HACE1: variants seen among roughly 807,000 people sequenced by gnomAD.
HACE1 encodes the protein E3 ubiquitin-protein ligase HACE1.
A neutral mutation model predicts 118.4 loss-of-function variants in HACE1; 73 were observed. The observed-to-expected ratio is 0.62, with a 90% CI of 0.51 to 0.75. The LOEUF (loss-of-function observed/expected upper bound fraction) is 0.75, where lower values mean the gene tolerates loss of function less well. Ranked by LOEUF, HACE1 falls within the 30% of genes least tolerant of loss-of-function variation. HACE1 has a pLI of 0.00. For missense variants in HACE1, 749 were observed against 1,102.2 expected, an observed-to-expected ratio of 0.68 and a Z score of 4.54; for synonymous variants, 368 against 374.8, an observed-to-expected ratio of 0.98 and a Z score of 0.21.
At chr6:104,809,325 G>A (rs556853288) in intron 7 of HACE1, among the ~76,000 whole-genome samples, 14 of 152,224 alleles carry the variant, frequency 9.2e-5, no homozygotes, top group South Asian at 2.1e-4. Flanking sequence ...AAAAATCTGG[G>A]GAACGACCTG....
In HACE1 at chr6:104,792,225, G is replaced by A. The variant is rs113592836; in HGVS notation, c.924-571C>T. 9.8e-4 allele frequency among the ~76,000 whole-genome samples: 149 copies of A among 152,194 alleles called. 1 individual carries two copies. Among genetic ancestry groups the A allele is most frequent in the African/African-American group, 3.4e-3 (141 of 41,522 alleles). ...TATCTGCATTAGGTTTGTTCTCTAC[G>A]TAACGGGCTGCCTTATGACTATACA... On this transcript the variant is annotated intron_variant, in intron 10 of 23. Transcript: ENST00000262903.
chr6:104,798,448 T>C (rs554144512), intron 7 of HACE1, among the ~76,000 whole-genome samples: 3 of 152,224 alleles, frequency 2.0e-5, no homozygotes, highest in Non-Finnish European at 4.4e-5. Flanking sequence ...CAGAAAACTC[T>C]GCAACGTTAT....
intron 6 of HACE1, among the ~76,000 whole-genome samples, chr6:104,832,802 G>GGTGGAAGGATCATTTGAGCCCAGGA (rs1774140660): frequency 6.6e-6 from 1 of 152,056 alleles, no homozygotes. Flanking sequence ...GTGAGGCTGA[G>GGTGGAAGGATCATTTGAGCCCAGGA]GTGGAAGGAT....
chr6:104,825,780 T>C (rs567230192), intron 6 of HACE1, among the ~76,000 whole-genome samples: 3 of 152,344 alleles, frequency 2.0e-5, no homozygotes, highest in Non-Finnish European at 4.4e-5. Context: ...ACTTTTGTTT[T>C]CAATAAATAT....
rs760145400 is a variant in HACE1 at position 104,777,254 on chromosome 6, T to C, written c.1630A>G (p.Met544Val). 4.3e-6 allele frequency: 7 copies of C among 1,613,704 alleles called. No individual in the cohort carries two copies. In the Admixed American group the frequency reaches 5.0e-5, roughly 12 times the overall value. ...HLHSGQPDSDMVHRPVNENDI... is the reference protein window; with the variant it reads ...HLHSGQPDSDVVHRPVNENDI... ...TTTTCATTCACTGGCCTGTGCACCA[T>C]ATCTGAATCTGGCTGTCCTGAATGC... is the stretch of plus-strand genomic sequence containing the variant. Residue 544 changes from methionine (M) to valine (V), a missense_variant, in exon 15 of 24, where the codon ATG (methionine) becomes GTG (valine). This residue lies in a region of HACE1 where 195 missense variants were observed against 322.1 expected (regional missense o/e 0.61). Transcript: ENST00000262903.
intron 7 of HACE1, among the ~76,000 whole-genome samples, chr6:104,803,677 G>C (rs1253228893): frequency 6.6e-6 from 1 of 152,024 alleles, no homozygotes; most frequent in Non-Finnish European, 1.5e-5. Context: ...CTTCATGCTA[G>C]AAACTCTCAA....
At chr6:104,838,022 A>G (rs75068983) in intron 5 of HACE1, among the ~76,000 whole-genome samples, 3,586 of 152,200 alleles carry the variant, frequency 0.024, 166 homozygotes, top group African/African-American at 0.083. Flanking sequence ...AAAGATGTCT[A>G]AAAGAAAACT....
intron 7 of HACE1, among the ~76,000 whole-genome samples, chr6:104,799,839 T>C (rs1770104879): frequency 6.6e-6 from 1 of 152,138 alleles, no homozygotes; most frequent in South Asian, 2.1e-4. Flanking sequence ...GATTTCTGCA[T>C]TTCCAAATGA....
chr6:104,750,375 G>C lies in HACE1; in HGVS notation c.2309C>G (p.Pro770Arg). The C allele has an allele frequency of 6.2e-7, 1 of 1,612,476 alleles. No homozygotes were observed. Among genetic ancestry groups the C allele is most frequent in the Non-Finnish European group, 8.5e-7 (1 of 1,178,808 alleles). The change falls in exon 20 of 24, where the codon CCC (proline) becomes CGC (arginine). Residue 770 changes from proline to arginine, a missense_variant. This residue lies in a region of HACE1 where 165 missense variants were observed against 229.9 expected (regional missense o/e 0.72). Coordinates refer to ENST00000262903, the MANE Select transcript of HACE1 (RefSeq NM_020771.4). The stretch of plus-strand genomic sequence containing the variant: ...TTCATCAAAAAGCTGTATGAGGGAG[G>C]GTGGAATGAACATATGAAAGCCCTG... The part of the protein sequence containing the change: ...FLQGFHMFIP[P>R]SLIQLFDEYE...
At chr6:104,783,736 A>T (rs1205871580) in intron 14 of HACE1, among the ~76,000 whole-genome samples, 2 of 152,234 alleles carry the variant, frequency 1.3e-5, no homozygotes, top group East Asian at 3.9e-4. Flanking sequence ...ACATGCTGCC[A>T]ATGTGATTTA....
At chr6:104,859,526 C>G (rs1777096400) in intron 1 of HACE1, 41 bp downstream of exon 1, 1 of 1,445,914 alleles carries the variant, frequency 6.9e-7, no homozygotes, top group Non-Finnish European at 9.2e-7. Flanking sequence ...CACTGGCCGC[C>G]CCCAGCCCCG....
chr6:104,798,268 C>T (rs1316568956), intron 7 of HACE1, among the ~76,000 whole-genome samples: 1 of 152,000 alleles, frequency 6.6e-6, no homozygotes, highest in Non-Finnish European at 1.5e-5. Flanking sequence ...CCTAAAGAGG[C>T]ATGTCATTTC....
chr6:104,816,073 C>CA (rs60838357), intron 6 of HACE1, among the ~76,000 whole-genome samples: 88 of 125,504 alleles, frequency 7.0e-4, no homozygotes, highest in South Asian at 1.0e-3. Flanking sequence ...AACTACAACT[C>CA]AAAAAAAAAA....
At chr6:104,738,253 C>G (rs1432205821) in intron 22 of HACE1, among the ~76,000 whole-genome samples, 1 of 152,216 alleles carries the variant, frequency 6.6e-6, no homozygotes, top group African/African-American at 2.4e-5. Context: ...CTCTAAAAAG[C>G]AGAGTGCCTC....
In HACE1 at chr6:104,848,094, C is replaced by T. The variant is rs113596687; in HGVS notation, c.326+1048G>A. The stretch of plus-strand genomic sequence containing the variant: ...CTCAAACTCCTGACCTCAGATGATC[C>T]GCCCGCCTTGGCCTCCCAAAAGGCT... On this transcript the variant is annotated intron_variant, in intron 4 of 23. Transcript: ENST00000262903. 8.1e-3 allele frequency among the ~76,000 whole-genome samples: 1,230 copies of T among 151,500 alleles called. 14 individuals carry two copies. The highest frequency in any genetic ancestry group is 0.028 in the African/African-American group (1,160 of 41,366).
Position 104,771,945 on chromosome 6 carries a change from G to T in HACE1, c.1994C>A (p.Ser665Tyr). ...RQLVNIYFTR[S>Y]FYKHILGIPV... ...CATACCAAGAATGTGCTTGTAGAAG[G>T]ATCGTGTGAAGTAAATATTGACCAG... Residue 665 changes from serine to tyrosine, a missense_variant, in exon 18 of 24, where the codon TCC (serine) becomes TAC (tyrosine). Ser to Tyr is a moderately radical substitution (Grantham distance 144). This residue lies in a region of HACE1 where 195 missense variants were observed against 322.1 expected (regional missense o/e 0.61). Coordinates refer to ENST00000262903, the MANE Select transcript of HACE1 (RefSeq NM_020771.4). The T allele has an allele frequency of 6.2e-7, 1 of 1,605,372 alleles. No homozygotes were observed. Among genetic ancestry groups the T allele is most frequent in the Non-Finnish European group, 8.5e-7 (1 of 1,172,320 alleles).
intron 20 of HACE1, among the ~76,000 whole-genome samples, chr6:104,746,321 C>T (rs953815498): frequency 1.5e-4 from 23 of 152,216 alleles, no homozygotes; most frequent in African/African-American, 5.5e-4. Context: ...GTTATAGAAT[C>T]CTTTTCCTAG....
At chr6:104,760,316 C>A (rs1357716395) in intron 19 of HACE1, among the ~76,000 whole-genome samples, 2 of 152,120 alleles carry the variant, frequency 1.3e-5, no homozygotes, top group Non-Finnish European at 2.9e-5. Context: ...ACCGGCAAAC[C>A]AAATCCAGCA....
chr6:104,781,674 C>A (rs1781759642), intron 14 of HACE1, among the ~76,000 whole-genome samples: 1 of 152,130 alleles, frequency 6.6e-6, no homozygotes, highest in Non-Finnish European at 1.5e-5. Flanking sequence ...ACTGACATGG[C>A]CCCTGCATCC....
Sources: allele counts gnomAD v4.1 joint callset (sites outside exome capture counted in the v4.1 genomes callset), GRCh38; gene constraint gnomAD v4.1.1; regional missense constraint gnomAD v4.1.1; transcripts MANE v1.5; gene names NCBI Gene and HGNC (gene_info 2026-07-23, HGNC 2026-07-21).